Variants in MRTFA observed in about 807,000 individuals in gnomAD.
MRTFA encodes myocardin related transcription factor A.
Under a neutral mutation model 83.5 loss-of-function variants are expected in MRTFA, and 20 were observed. The ratio of observed to expected loss-of-function variants is 0.24; its 90% CI spans 0.17 to 0.35. The LOEUF (loss-of-function observed/expected upper bound fraction) is 0.35, where lower values mean the gene tolerates loss of function less well. Among genes scored for constraint, MRTFA ranks in the 10% least tolerant of loss-of-function variants. The pLI is 1.00. For synonymous variants in MRTFA, 659 were observed against 541.2 expected, an observed-to-expected ratio of 1.22 and a Z score of -3.02; for missense variants, 1,200 against 1,224.7, an observed-to-expected ratio of 0.98 and a Z score of 0.30.
Position 40,624,413 on chromosome 22 carries a change from G to A in MRTFA, c.-84+12065C>T, listed in dbSNP as rs562620333. 6.1e-4 allele frequency among the ~76,000 whole-genome samples: 82 copies of A among 135,504 alleles called. 2 individuals are homozygous for A. In the South Asian group the frequency reaches 0.012, roughly 19 times the overall value. 88.9% of individuals were successfully genotyped at this position (135,504 alleles called of 152,430 possible). On this transcript the variant is annotated intron_variant, in intron 1 of 14. Transcript: ENST00000355630. ...TGCACTCCAGCCTGGGCAACAGAGC[G>A]AGACTCCAACTCAAAAAAAAAAAAA...
chr22:40,576,537 C>A (rs887132691), intron 2 of MRTFA, among the ~76,000 whole-genome samples: 3 of 152,114 alleles, frequency 2.0e-5, no homozygotes, highest in African/African-American at 7.2e-5. Context: ...GCAAGGGATT[C>A]TAAATCGTGG....
chr22:40,495,032 CT>C lies in MRTFA; in HGVS notation c.242-31747del, dbSNP rs74569238. On this transcript the variant is annotated intron_variant, in intron 3 of 14. Coordinates refer to ENST00000355630, the MANE Select transcript of MRTFA (RefSeq NM_020831.6). Reference sequence around the variant, plus strand: ...ATTACTGCATATAAACTGATCTCAACTTTTTTTTTTTTAAAAAAGCAGATTA... The same window carrying C: ...ATTACTGCATATAAACTGATCTCAACTTTTTTTTTTTAAAAAAGCAGATTA... Among the ~76,000 whole-genome samples, 1,368 of 146,846 alleles carry C rather than the reference CT, an allele frequency of 9.3e-3. 14 individuals carry two copies. Among genetic ancestry groups the C allele is most frequent in the African/African-American group, 0.031 (1,260 of 40,242 alleles).
intron 4 of MRTFA, 105 bp from the exon 5 acceptor site, chr22:40,435,659 G>A (rs186155297): frequency 2.1e-4 from 271 of 1,315,348 alleles, no homozygotes; most frequent in Admixed American, 1.8e-3. Flanking sequence ...CTGGCTGGGC[G>A]TGGTGGCTCA....
chr22:40,448,814 G>C (rs2053432144), intron 4 of MRTFA, among the ~76,000 whole-genome samples: 1 of 152,132 alleles, frequency 6.6e-6, no homozygotes, highest in Non-Finnish European at 1.5e-5. Flanking sequence ...TACAGCTTTA[G>C]GCAGTTAACT....
chr22:40,479,139 A>C (rs2054046918), intron 3 of MRTFA, among the ~76,000 whole-genome samples: 1 of 152,190 alleles, frequency 6.6e-6, no homozygotes, highest in Admixed American at 6.5e-5. Context: ...GAGCGCTTGC[A>C]CAGGTGAATG....
At chr22:40,519,514 T>C in intron 3 of MRTFA, 1 of 1,349,612 alleles carries the variant, frequency 7.4e-7, no homozygotes, top group Non-Finnish European at 9.8e-7. Context: ...GGAGTCATTT[T>C]AACTCCAACC....
rs1491292852 is a variant in MRTFA, at chr22:40,540,795, AAC to A, written c.241+11309_241+11310del. On this transcript the variant is annotated intron_variant, in intron 3 of 14. Coordinates refer to ENST00000355630, the MANE Select transcript of MRTFA (RefSeq NM_020831.6). ...CTGTCTCAAAAAAAAAAAAAAAAAA[AAC>A]CAAAAACATACAAACAAAAAATTCC... Among the ~76,000 whole-genome samples the A allele has an allele frequency of 2.8e-4, 42 of 150,492 alleles. No individual in the cohort carries two copies. The East Asian group carries it at 7.3e-3, about 26-fold the overall frequency.
At chr22:40,423,238 T>C (rs2052879809) in intron 9 of MRTFA, among the ~76,000 whole-genome samples, 1 of 152,228 alleles carries the variant, frequency 6.6e-6, no homozygotes, top group Non-Finnish European at 1.5e-5. Flanking sequence ...GCTCTATTTC[T>C]GCCTTGCGGA....
intron 1 of MRTFA, among the ~76,000 whole-genome samples, chr22:40,610,158 T>G (rs1159538966): frequency 6.7e-6 from 1 of 150,026 alleles, no homozygotes; most frequent in Non-Finnish European, 1.5e-5. Flanking sequence ...ACGATTCTCC[T>G]GCCTCAGCCT....
chr22:40,577,609 ATTT>A (rs71199293), intron 2 of MRTFA, among the ~76,000 whole-genome samples: 6 of 129,822 alleles, frequency 4.6e-5, no homozygotes, highest in Non-Finnish European at 5.0e-5. Flanking sequence ...TCTACATCTG[ATTT>A]TTTTTTTTTT....
At chr22:40,575,852 T>A (rs2055859492) in intron 2 of MRTFA, among the ~76,000 whole-genome samples, 1 of 152,036 alleles carries the variant, frequency 6.6e-6, no homozygotes, top group African/African-American at 2.4e-5. Context: ...TAACAACAAC[T>A]CTCACAAGTT....
intron 2 of MRTFA, chr22:40,587,630 T>A (rs973294268): frequency 3.3e-6 from 1 of 301,902 alleles, no homozygotes; most frequent in Non-Finnish European, 6.6e-6. Flanking sequence ...GGAGAACAGA[T>A]AGCATATTGT....
At chr22:40,518,948 C>G (rs866007498) in intron 3 of MRTFA, among the ~76,000 whole-genome samples, 1 of 150,492 alleles carries the variant, frequency 6.6e-6, no homozygotes, top group Non-Finnish European at 1.5e-5. Flanking sequence ...AGACATATGT[C>G]TCTTTTATGT....
chr22:40,619,237 G>A (rs997094160), intron 1 of MRTFA, among the ~76,000 whole-genome samples: 1 of 152,170 alleles, frequency 6.6e-6, no homozygotes, highest in African/African-American at 2.4e-5. Flanking sequence ...TTTAAGGGCT[G>A]AGTGTGGTGG....
chr22:40,578,059 T>G (rs1342331180), intron 2 of MRTFA, among the ~76,000 whole-genome samples: 1 of 146,710 alleles, frequency 6.8e-6, no homozygotes, highest in Non-Finnish European at 1.5e-5. Flanking sequence ...GTTCAAGCAA[T>G]TCTCCTGCCT....
At chr22:40,556,674 TAA>T (rs1169709518) in intron 2 of MRTFA, among the ~76,000 whole-genome samples, 1 of 152,208 alleles carries the variant, frequency 6.6e-6, no homozygotes, top group East Asian at 1.9e-4. Context: ...ATTCAGAATC[TAA>T]ACTTCAAAGA....
intron 2 of MRTFA, among the ~76,000 whole-genome samples, chr22:40,562,051 C>A (rs1381509650): frequency 1.3e-5 from 2 of 151,916 alleles, no homozygotes; most frequent in Admixed American, 6.6e-5. Flanking sequence ...CTCAACTCTA[C>A]AAAAAATACA....
At chr22:40,505,218 GC>G (rs1555987836) in intron 3 of MRTFA, among the ~76,000 whole-genome samples, 1 of 152,106 alleles carries the variant, frequency 6.6e-6, no homozygotes, top group Non-Finnish European at 1.5e-5. Flanking sequence ...CTCAAAATTA[GC>G]CCCTGCTAAC....
At chr22:40,515,582 A>ACCTG (rs2054744536) in intron 3 of MRTFA, among the ~76,000 whole-genome samples, 1 of 152,036 alleles carries the variant, frequency 6.6e-6, no homozygotes, top group African/African-American at 2.4e-5. Context: ...AATCCCAGCT[A>ACCTG]CCTGGGTGGC....
Sources: allele counts gnomAD v4.1 joint callset (sites outside exome capture counted in the v4.1 genomes callset), GRCh38; gene constraint gnomAD v4.1.1; transcripts MANE v1.5; gene names NCBI Gene and HGNC (gene_info 2026-07-23, HGNC 2026-07-21).